SMAP1: variants seen among roughly 807,000 people sequenced by gnomAD.
SMAP1 encodes the protein small ArfGAP 1, also known as stromal membrane-associated protein 1.
Under a neutral mutation model 58.5 loss-of-function variants are expected in SMAP1, and 24 were observed. The ratio of observed to expected loss-of-function variants is 0.41; its 90% CI spans 0.30 to 0.58. The LOEUF is 0.58. Ranked by LOEUF, SMAP1 falls within the 20% of genes least tolerant of loss-of-function variation. The probability of loss-of-function intolerance (pLI) is 0.29; values close to 1 mark genes in which losing one functional copy is unlikely to be tolerated. For synonymous variants in SMAP1, 216 were observed against 196.6 expected (o/e 1.10, Z -0.82); for missense variants, 563 against 566.3 (o/e 0.99, Z 0.06).
At chr6:70,716,527 G>C (rs1011364875) in intron 1 of SMAP1, among the ~76,000 whole-genome samples, 6 of 152,076 alleles carry the variant, frequency 3.9e-5, no homozygotes, top group Admixed American at 6.6e-5. Context: ...GGGGGTTGGA[G>C]GCTCCTGCCT....
intron 1 of SMAP1, among the ~76,000 whole-genome samples, chr6:70,705,725 G>GAAGTTTCCTTC (rs1463845341): frequency 6.6e-6 from 1 of 152,172 alleles, no homozygotes; most frequent in African/African-American, 2.4e-5. Flanking sequence ...GGAGTGACAG[G>GAAGTTTCCTTC]TATAGCGTTC....
At chr6:70,780,063 A>G (rs1212652171) in intron 4 of SMAP1, among the ~76,000 whole-genome samples, 3 of 152,164 alleles carry the variant, frequency 2.0e-5, no homozygotes, top group Non-Finnish European at 4.4e-5. Flanking sequence ...TCAGAATCTG[A>G]CATTTGCTTT....
intron 2 of SMAP1, among the ~76,000 whole-genome samples, chr6:70,747,104 A>G (rs1274527041): frequency 6.6e-6 from 1 of 152,206 alleles, no homozygotes; most frequent in Non-Finnish European, 1.5e-5. Flanking sequence ...ATTCATAGTT[A>G]AAATACTGGC....
intron 4 of SMAP1, among the ~76,000 whole-genome samples, chr6:70,781,326 A>G (rs1007350587): frequency 2.6e-5 from 4 of 152,146 alleles, no homozygotes; most frequent in East Asian, 1.9e-4. Flanking sequence ...TAATCCTCCT[A>G]TGGATGAGTT....
chr6:70,680,806 C>T (rs1474557956), intron 1 of SMAP1, among the ~76,000 whole-genome samples: 1 of 144,892 alleles, frequency 6.9e-6, no homozygotes, highest in Non-Finnish European at 1.5e-5. Flanking sequence ...GCAGCCTCTG[C>T]CTCCCGGGTT....
intron 1 of SMAP1, among the ~76,000 whole-genome samples, chr6:70,687,128 A>G (rs1055093724): frequency 2.6e-5 from 4 of 152,244 alleles, no homozygotes; most frequent in African/African-American, 9.6e-5. Flanking sequence ...CTTAATAGCC[A>G]CTGTGGCTAG....
intron 1 of SMAP1, among the ~76,000 whole-genome samples, chr6:70,674,669 G>A (rs1477143601): frequency 2.6e-5 from 4 of 152,156 alleles, no homozygotes; most frequent in Admixed American, 6.5e-5. Flanking sequence ...AGATACTACT[G>A]TGTGTGTTAA....
chr6:70,726,917 A>C (rs918251905), intron 1 of SMAP1, among the ~76,000 whole-genome samples: 2 of 149,548 alleles, frequency 1.3e-5, no homozygotes, highest in Admixed American at 6.6e-5. Flanking sequence ...GTGTGTGTAG[A>C]AATTTAAATT....
intron 5 of SMAP1, among the ~76,000 whole-genome samples, chr6:70,797,366 C>G (rs2149951308): frequency 6.6e-6 from 1 of 152,198 alleles, no homozygotes. Context: ...AGAAGACTAT[C>G]ACTGTGTAAT....
At chr6:70,847,195 A>G (rs1240862124) in intron 7 of SMAP1, among the ~76,000 whole-genome samples, 1 of 152,160 alleles carries the variant, frequency 6.6e-6, no homozygotes, top group Non-Finnish European at 1.5e-5. Flanking sequence ...CACTTCCCAA[A>G]TTGAGGATTT....
At chr6:70,792,133 CT>C (rs1251825680) in intron 5 of SMAP1, among the ~76,000 whole-genome samples, 1 of 151,712 alleles carries the variant, frequency 6.6e-6, no homozygotes, top group Non-Finnish European at 1.5e-5. Flanking sequence ...TGTCAAGTTT[CT>C]TTTTTTTAAG....
intron 7 of SMAP1, among the ~76,000 whole-genome samples, chr6:70,851,793 G>C (rs537569459): frequency 7.3e-4 from 111 of 152,254 alleles, no homozygotes; most frequent in African/African-American, 2.7e-3. Flanking sequence ...TTTTAAGTAG[G>C]AAGCTCTGTC....
Position 70,732,035 on chromosome 6 carries a change from A to T in SMAP1, c.119-343A>T, listed in dbSNP as rs569763145. Among the ~76,000 whole-genome samples the T allele has an allele frequency of 1.6e-4, 25 of 152,248 alleles. No homozygotes were observed. The South Asian group carries it at 5.2e-3, about 32-fold the overall frequency. On this transcript the variant is annotated intron_variant, in intron 1 of 10. Transcript: ENST00000370455. The stretch of plus-strand genomic sequence containing the variant: ...TTGTTGTTAATCTTGTGCATATCTT[A>T]TGCATTTAATAAAGAAATTATTTTT...
chr6:70,737,160 G>A (rs528754683), intron 2 of SMAP1, among the ~76,000 whole-genome samples: 1 of 152,262 alleles, frequency 6.6e-6, no homozygotes, highest in Non-Finnish European at 1.5e-5. Context: ...TGTTGTTTTT[G>A]TGATGGAATT....
intron 3 of SMAP1, among the ~76,000 whole-genome samples, chr6:70,758,337 A>G (rs1002295020): frequency 4.4e-5 from 6 of 136,912 alleles, no homozygotes; most frequent in Non-Finnish European, 3.1e-5. Flanking sequence ...ACATGGACAC[A>G]GGAAGGGGAA....
rs746425842 is a variant in SMAP1 at position 70,773,399 on chromosome 6, G to A, written c.388G>A (p.Asp130Asn). ...TAAATATGAAAAGAAGAAATACTACGATAAAAATGCCATAGCTATTACAAA... is the reference window on the plus strand; with the variant it reads ...TAAATATGAAAAGAAGAAATACTACAATAAAAATGCCATAGCTATTACAAA... ...RDKYEKKKYY[D>N]KNAIAITNIS... is the part of the protein sequence containing the mutation. The change falls in exon 4 of 11, where the codon GAT becomes AAT. Residue 130 changes from aspartate (D) to asparagine (N), a missense_variant. Asp to Asn is a conservative substitution (Grantham distance 23, BLOSUM62 1). This residue lies in a region of SMAP1 where 494 missense variants were observed against 473.8 expected (regional missense o/e 1.04). Transcript: ENST00000370455. 1.5e-5 allele frequency: 23 copies of A among 1,568,590 alleles called. No individual in the cohort carries two copies. In the South Asian group the frequency reaches 1.8e-4, roughly 13 times the overall value.
At chr6:70,780,507 G>A (rs1484312664) in intron 4 of SMAP1, among the ~76,000 whole-genome samples, 1 of 152,168 alleles carries the variant, frequency 6.6e-6, no homozygotes, top group Non-Finnish European at 1.5e-5. Context: ...CTTGAGCCCA[G>A]GAGGTTGAGG....
chr6:70,765,902 C>G (rs1415024887), intron 3 of SMAP1, among the ~76,000 whole-genome samples: 28 of 122,012 alleles, frequency 2.3e-4, no homozygotes, highest in African/African-American at 6.1e-4. Context: ...CCCCTCCCCC[C>G]ACCCCACAAC....
At chr6:70,761,515 C>T (rs1185591146) in intron 3 of SMAP1, among the ~76,000 whole-genome samples, 1 of 151,992 alleles carries the variant, frequency 6.6e-6, no homozygotes, top group African/African-American at 2.4e-5. Context: ...AGTTCCTGAT[C>T]TCCAGATTCA....
Sources: gnomAD v4.1 joint callset for allele counts (sites outside exome capture counted in the v4.1 genomes callset) on GRCh38, gnomAD v4.1.1 for gene constraint, gnomAD v4.1.1 regional missense constraint, MANE v1.5 for transcripts, NCBI Gene and HGNC (gene_info 2026-07-23, HGNC 2026-07-21) for gene names.